EP300: variants seen among roughly 807,000 people sequenced by gnomAD.
EP300 encodes the protein EP300 lysine acetyltransferase, also known as histone acetyltransferase p300.
A neutral mutation model predicts 264.0 loss-of-function variants in EP300; 31 were observed. The ratio of observed to expected loss-of-function variants is 0.12; its 90% CI spans 0.09 to 0.16. The LOEUF (loss-of-function observed/expected upper bound fraction) is 0.16, where lower values mean the gene tolerates loss of function less well. Among genes scored for constraint, EP300 ranks in the 10% least tolerant of loss-of-function variants. EP300 has a pLI of 1.00. For synonymous variants in EP300, 1,340 were observed against 1,045.4 expected, an observed-to-expected ratio of 1.28 and a Z score of -5.44; for missense variants, 2,766 against 3,052.9, an observed-to-expected ratio of 0.91 and a Z score of 2.21.
intron 1 of EP300, among the ~76,000 whole-genome samples, chr22:41,100,222 G>A (rs1296171223): frequency 3.3e-5 from 5 of 152,288 alleles, no homozygotes; most frequent in African/African-American, 1.2e-4. Flanking sequence ...AGGTGACATA[G>A]CAAGACTCTG....
At chr22:41,158,627 G>T (rs1222661400) in intron 19 of EP300, 127 bp downstream of exon 19, 4 of 777,110 alleles carry the variant, frequency 5.1e-6, no homozygotes, top group African/African-American at 1.7e-5. Context: ...TATAGCACAA[G>T]TTCTGTTTTT....
intron 23 of EP300, among the ~76,000 whole-genome samples, chr22:41,167,584 G>GTGTATATGTATATATA (rs869093144): frequency 2.9e-5 from 1 of 34,502 alleles, no homozygotes; most frequent in Admixed American, 3.9e-4. Context: ...GTGTGTGTGT[G>GTGTATATGTATATATA]TATATATATA....
At chr22:41,144,401 G>A (rs1354504675) in intron 10 of EP300, among the ~76,000 whole-genome samples, 1 of 150,942 alleles carries the variant, frequency 6.6e-6, no homozygotes, top group Non-Finnish European at 1.5e-5. Flanking sequence ...GCCCAGCCTG[G>A]AGTGCAGTGG....
chr22:41,124,526 G>T (rs2058869852), intron 2 of EP300, among the ~76,000 whole-genome samples: 4 of 152,108 alleles, frequency 2.6e-5, no homozygotes. Context: ...GCCAAGCATG[G>T]TGGTTCACGC....
intron 21 of EP300, 138 bp from the exon 22 acceptor site, chr22:41,163,915 A>T: frequency 1.2e-6 from 1 of 834,022 alleles, no homozygotes; most frequent in Non-Finnish European, 2.0e-6. Context: ...TCTCTAAAAA[A>T]ATAGAAACTT....
intron 10 of EP300, chr22:41,146,528 A>G (rs762998676): frequency 7.4e-5 from 43 of 580,508 alleles, no homozygotes; most frequent in Middle Eastern, 4.6e-4. Flanking sequence ...TCATAAAGGA[A>G]TACCAACAAA....
intron 16 of EP300, among the ~76,000 whole-genome samples, chr22:41,154,764 G>A (rs2059067269): frequency 6.6e-6 from 1 of 152,138 alleles, no homozygotes; most frequent in South Asian, 2.1e-4. Context: ...AGCTGAGGGT[G>A]AAGAGTGTTT....
intron 18 of EP300, 145 bp from the exon 19 acceptor site, chr22:41,158,267 G>A: frequency 1.4e-6 from 1 of 707,022 alleles, no homozygotes; most frequent in South Asian, 1.5e-5. Context: ...AACTGAGAAT[G>A]ATTTTCAGGA....
rs12167662 is a variant in EP300 at position 41,126,139 on chromosome 22, A to G, written c.906+99A>G. 12,371 of 1,255,868 alleles carry G rather than the reference A, an allele frequency of 9.9e-3. 909 individuals are homozygous for G. In the African/African-American group the frequency reaches 0.16, roughly 16 times the overall value. 77.8% of individuals were successfully genotyped at this position (1,255,868 alleles called of 1,614,324 possible). ...TTCTGTTATATATGCTGGGATTTGT[A>G]CCCACTAGGAGCCTAAATTGATATG... On this transcript the variant is annotated intron_variant, in intron 3 of 30. Transcript: ENST00000263253.
intron 8 of EP300, among the ~76,000 whole-genome samples, chr22:41,139,658 A>G (rs999698121): frequency 1.3e-5 from 2 of 152,228 alleles, no homozygotes; most frequent in East Asian, 1.9e-4. Context: ...TAACAGAATC[A>G]TTACGCATTT....
chr22:41,152,588 CTG>C (rs1303537329), intron 16 of EP300, among the ~76,000 whole-genome samples: 3 of 151,694 alleles, frequency 2.0e-5, no homozygotes, highest in African/African-American at 7.3e-5. Flanking sequence ...TCAGGGTTCC[CTG>C]TGTTAGTACA....
At chr22:41,171,213 C>T (rs2059168903) in intron 27 of EP300, among the ~76,000 whole-genome samples, 1 of 150,784 alleles carries the variant, frequency 6.6e-6, no homozygotes, top group Non-Finnish European at 1.5e-5. Context: ...TGGACTTGAA[C>T]TCTTGGCCTC....
At chr22:41,127,257 C>T (rs898873463) in intron 3 of EP300, among the ~76,000 whole-genome samples, 2 of 151,974 alleles carry the variant, frequency 1.3e-5, no homozygotes, top group Non-Finnish European at 2.9e-5. Context: ...TGCTTTTGCT[C>T]TCTGTGTATT....
At chr22:41,142,372 A>G (rs2058987643) in intron 10 of EP300, among the ~76,000 whole-genome samples, 1 of 152,178 alleles carries the variant, frequency 6.6e-6, no homozygotes, top group Non-Finnish European at 1.5e-5. Flanking sequence ...TAGCAGCCTC[A>G]TTTGCTAACT....
chr22:41,102,946 TTCAAGCGATTC>T (rs1377882887), intron 1 of EP300, among the ~76,000 whole-genome samples: 1 of 151,972 alleles, frequency 6.6e-6, no homozygotes, highest in Non-Finnish European at 1.5e-5. Context: ...GCCTTCCGGG[TTCAAGCGATTC>T]TCATGCCTCA....
rs780502265 is a variant in EP300, at chr22:41,178,677, C to T, written c.6966C>T (p.Pro2322=). ...PVPSPRPQSQ[P]PHSSPSPRMQ... is the part of the protein sequence containing the mutation. ...CTTCTCCACGGCCACAGTCCCAGCC[C>T]CCCCACTCCAGTCCTTCCCCAAGGA... The change falls in exon 31 of 31, where the codon CCC becomes CCT. Residue 2322 remains proline, a synonymous_variant. Coordinates refer to ENST00000263253, the MANE Select transcript of EP300 (RefSeq NM_001429.4). 3 of 1,614,180 alleles carry T rather than the reference C, an allele frequency of 1.9e-6. No homozygotes were observed. Among genetic ancestry groups the T allele is most frequent in the Non-Finnish European group, 2.5e-6 (3 of 1,180,036 alleles).
Position 41,151,983 on chromosome 22 carries a change from G to A in EP300, c.2968G>A (p.Ala990Thr), listed in dbSNP as rs987040002. The A allele has an allele frequency of 1.9e-6, 3 of 1,614,064 alleles. No homozygotes were observed. Among genetic ancestry groups the A allele is most frequent in the Non-Finnish European group, 1.7e-6 (2 of 1,180,044 alleles). Residue 990 changes from alanine (A) to threonine (T), a missense_variant, in exon 15 of 31, where the codon GCA (alanine) becomes ACA (threonine). Transcript: ENST00000263253. ...AKMEVDQPEP[A>T]DTQPEDISES... ...AATGGAAGTGGATCAACCAGAACCAGCAGATACTCAGCCGGAGGATATTTC... is the reference window on the plus strand; with the variant it reads ...AATGGAAGTGGATCAACCAGAACCAACAGATACTCAGCCGGAGGATATTTC...
chr22:41,129,874 G>T lies in EP300; in HGVS notation c.1169-16G>T. The T allele has an allele frequency of 6.2e-7, 1 of 1,600,592 alleles. No homozygotes were observed. Among genetic ancestry groups the T allele is most frequent in the Non-Finnish European group, 8.6e-7 (1 of 1,168,194 alleles). ...CATTAACCTGCTCTTGAAAAAATAT[G>T]TTTTCTTCTCTTTAGTGGCACACTG... On this transcript the variant is annotated splice_polypyrimidine_tract_variant and intron_variant, in intron 4 of 30. Coordinates refer to ENST00000263253, the MANE Select transcript of EP300 (RefSeq NM_001429.4).
chr22:41,130,282 CAG>C (rs1397382664), intron 5 of EP300, among the ~76,000 whole-genome samples: 1 of 147,224 alleles, frequency 6.8e-6, no homozygotes, highest in Non-Finnish European at 1.5e-5. Context: ...AAAGAAAAAA[CAG>C]TGCAGTGGCT....
Sources: allele counts gnomAD v4.1 joint callset (sites outside exome capture counted in the v4.1 genomes callset), GRCh38; gene constraint gnomAD v4.1.1; transcripts MANE v1.5; gene names NCBI Gene and HGNC (gene_info 2026-07-23, HGNC 2026-07-21).